ANKRD31: variants seen among roughly 807,000 people sequenced by gnomAD.
ANKRD31 encodes ankyrin repeat domain 31, also known as ankyrin repeat domain-containing protein 31.
Under a neutral mutation model 186.0 loss-of-function variants are expected in ANKRD31, and 147 were observed. The observed-to-expected ratio is 0.79, with a 90% confidence interval of 0.69 to 0.91. The LOEUF (loss-of-function observed/expected upper bound fraction) is 0.91, where lower values mean the gene tolerates loss of function less well. ANKRD31 is among the 40% of genes least tolerant of loss of function. The probability of loss-of-function intolerance (pLI) is 0.00; values close to 1 mark genes in which losing one functional copy is unlikely to be tolerated. For missense variants in ANKRD31, 1,986 were observed against 2,148.8 expected (o/e 0.92, Z 1.50); for synonymous variants, 673 against 736.4 (o/e 0.91, Z 1.39).
chr5:75,158,566 A>G (rs1375025832), intron 11 of ANKRD31, among the ~76,000 whole-genome samples: 1 of 152,180 alleles, frequency 6.6e-6, no homozygotes, highest in African/African-American at 2.4e-5. Flanking sequence ...ACTTGAGGCC[A>G]GCAGTTCTAA....
chr5:75,180,828 G>A (rs1374684611), intron 10 of ANKRD31, among the ~76,000 whole-genome samples: 1 of 152,068 alleles, frequency 6.6e-6, no homozygotes, highest in East Asian at 1.9e-4. Context: ...CATGGGCAAG[G>A]ACTTCATGTC....
chr5:75,086,464 G>C (rs1197476683), intron 23 of ANKRD31, among the ~76,000 whole-genome samples: 1 of 152,164 alleles, frequency 6.6e-6, no homozygotes, highest in Non-Finnish European at 1.5e-5. Flanking sequence ...TCTGAATCCT[G>C]AACTAAATTT....
intron 22 of ANKRD31, among the ~76,000 whole-genome samples, chr5:75,098,282 C>T (rs559184336): frequency 2.6e-4 from 40 of 151,904 alleles, no homozygotes; most frequent in Non-Finnish European, 3.1e-4. Flanking sequence ...CCACCGTGCC[C>T]GGCCTATATC....
rs1170161436 is a variant in ANKRD31, at chr5:75,195,378, A to T, written c.1017+253T>A. ...GAAATCTTTCTATTTTCATTTCCTA[A>T]CTCCTCGAAAACTCTATCCTAGGAA... On this transcript the variant is annotated intron_variant, in intron 7 of 25. Transcript: ENST00000506364. Among the ~76,000 whole-genome samples the T allele has an allele frequency of 2.7e-5, 4 of 150,510 alleles. No homozygotes were observed. In the East Asian group the frequency reaches 7.9e-4, roughly 30 times the overall value.
At position 75,147,425 on chromosome 5, in the gene ANKRD31, T is replaced by G. The variant is rs1440275489; in HGVS notation, c.1986A>C (p.Lys662Asn). ...AACTCGCTTTGCTTCCTTTATTGAC[T>G]TTTACATGTTCCAGCTTCTGTCTGT... Reference protein sequence around the residue: ...NSNRQKLEHVKVNKGSKASLF... With the variant: ...NSNRQKLEHVNVNKGSKASLF... The change falls in exon 14 of 26, where the codon AAA becomes AAC. Residue 662 changes from lysine (K) to asparagine (N), a missense_variant. Physicochemically the swap from Lys to Asn is moderately conservative, Grantham distance 94. Transcript: ENST00000506364. 6.6e-7 allele frequency: 1 copy of G among 1,517,910 alleles called. No individual in the cohort carries two copies. Among genetic ancestry groups the G allele is most frequent in the Admixed American group, 2.2e-5 (1 of 46,410 alleles). 94.0% of individuals were successfully genotyped at this position (1,517,910 alleles called of 1,614,324 possible).
intron 23 of ANKRD31, among the ~76,000 whole-genome samples, chr5:75,085,455 T>C (rs560081628): frequency 6.6e-6 from 1 of 152,042 alleles, no homozygotes; most frequent in Admixed American, 6.6e-5. Context: ...CACTGCAACC[T>C]CCACCTCCTG....
chr5:75,073,293 T>C (rs1744386853), intron 25 of ANKRD31, among the ~76,000 whole-genome samples: 1 of 147,956 alleles, frequency 6.8e-6, no homozygotes, highest in African/African-American at 2.6e-5. Context: ...TAAGACTCCA[T>C]CTCTTAAAAA....
At chr5:75,143,364 C>A (rs1751192946) in intron 15 of ANKRD31, among the ~76,000 whole-genome samples, 1 of 151,996 alleles carries the variant, frequency 6.6e-6, no homozygotes, top group South Asian at 2.1e-4. Context: ...TTTGGGGGGC[C>A]AGCATTCAAC....
intron 22 of ANKRD31, among the ~76,000 whole-genome samples, chr5:75,095,814 T>C (rs984010350): frequency 4.6e-5 from 7 of 152,124 alleles, no homozygotes; most frequent in African/African-American, 1.2e-4. Context: ...TATGTATATA[T>C]AGAAAAAAAA....
intron 5 of ANKRD31, 102 bp from the exon 6 acceptor site, chr5:75,199,776 CAA>C: frequency 1.7e-6 from 1 of 587,944 alleles, no homozygotes. Context: ...CTCCCTCAGT[CAA>C]GTGACACATC....
intron 3 of ANKRD31, among the ~76,000 whole-genome samples, chr5:75,221,363 G>A (rs531805524): frequency 7.2e-5 from 11 of 152,188 alleles, no homozygotes; most frequent in Non-Finnish European, 1.3e-4. Flanking sequence ...TTGTGTGTGT[G>A]TGTGCAGGCA....
intron 11 of ANKRD31, 104 bp downstream of exon 11, chr5:75,168,875 A>G: frequency 8.6e-7 from 1 of 1,162,964 alleles, no homozygotes; most frequent in Non-Finnish European, 1.2e-6. Context: ...TAGCAGAATG[A>G]AATTAAACTA....
intron 17 of ANKRD31, among the ~76,000 whole-genome samples, chr5:75,130,872 C>T (rs916324502): frequency 9.2e-5 from 14 of 152,238 alleles, no homozygotes; most frequent in South Asian, 2.1e-4. Flanking sequence ...GCACTCACCA[C>T]GGGACTTTGC....
intron 6 of ANKRD31, among the ~76,000 whole-genome samples, chr5:75,198,908 T>C (rs1379328621): frequency 6.6e-6 from 1 of 152,184 alleles, no homozygotes; most frequent in Non-Finnish European, 1.5e-5. Context: ...GGTTTCCAAA[T>C]TTTATGTTAT....
At chr5:75,166,154 G>T (rs998451340) in intron 11 of ANKRD31, among the ~76,000 whole-genome samples, 1 of 152,086 alleles carries the variant, frequency 6.6e-6, no homozygotes, top group Non-Finnish European at 1.5e-5. Context: ...ATAATATAAT[G>T]TATAATCAAT....
chr5:75,200,737 A>C (rs1226988852), intron 5 of ANKRD31, among the ~76,000 whole-genome samples: 1 of 151,324 alleles, frequency 6.6e-6, no homozygotes, highest in Non-Finnish European at 1.5e-5. Context: ...ACAAGGTGAA[A>C]TCCTGTCTCT....
At chr5:75,080,031 G>A (rs1022375019) in intron 25 of ANKRD31, among the ~76,000 whole-genome samples, 9 of 152,112 alleles carry the variant, frequency 5.9e-5, no homozygotes, top group African/African-American at 1.7e-4. Context: ...CTGGGAGATC[G>A]AGGCTGCAAT....
At chr5:75,139,042 T>C (rs530707158) in intron 15 of ANKRD31, 59 bp from the exon 16 acceptor site, 107 of 1,509,796 alleles carry the variant, frequency 7.1e-5, no homozygotes, top group Non-Finnish European at 5.3e-5. Context: ...TTATAAAGGA[T>C]CTTAGAAAAT....
chr5:75,072,429 T>C (rs4704171), intron 25 of ANKRD31, among the ~76,000 whole-genome samples: 29,491 of 152,000 alleles, frequency 0.19, 3,402 homozygotes, highest in African/African-American at 0.33. Context: ...TTCATAGCTA[T>C]TTTGGACCAT....
Sources: allele counts gnomAD v4.1 joint callset (sites outside exome capture counted in the v4.1 genomes callset), GRCh38; gene constraint gnomAD v4.1.1; transcripts MANE v1.5; gene names NCBI Gene and HGNC (gene_info 2026-07-23, HGNC 2026-07-21).